Variants in POLN observed in about 807,000 individuals in gnomAD.
The protein encoded by POLN is DNA polymerase N.
In POLN, 108 loss-of-function variants were observed where a neutral mutation model predicts 113.5. That is an observed-to-expected ratio of 0.95 (90% CI 0.81 to 1.12). The LOEUF (loss-of-function observed/expected upper bound fraction) is 1.12, where lower values mean the gene tolerates loss of function less well. Among genes scored for constraint, POLN ranks in the 50% most tolerant of loss-of-function variants. POLN has a pLI of 0.00. For synonymous variants in POLN, 386 were observed against 391.5 expected (o/e 0.99, Z 0.17); for missense variants, 1,097 against 1,077.1 (o/e 1.02, Z -0.26).
At chr4:2,197,019 C>T (rs543802156) in intron 6 of POLN, among the ~76,000 whole-genome samples, 7 of 152,196 alleles carry the variant, frequency 4.6e-5, no homozygotes, top group Admixed American at 6.5e-5. Context: ...TTGAAGACAG[C>T]GGAGGGGCCA....
At chr4:2,151,203 A>G (rs1023165740) in intron 16 of POLN, among the ~76,000 whole-genome samples, 1 of 152,190 alleles carries the variant, frequency 6.6e-6, no homozygotes, top group African/African-American at 2.4e-5. Context: ...TGGCAAATTA[A>G]CACATGGAAG....
intron 4 of POLN, among the ~76,000 whole-genome samples, chr4:2,209,017 G>T (rs1384620935): frequency 6.6e-6 from 1 of 151,774 alleles, no homozygotes; most frequent in African/African-American, 2.4e-5. Context: ...CCTCCAACTG[G>T]CCCCTGTTCT....
intron 16 of POLN, among the ~76,000 whole-genome samples, chr4:2,149,296 AAAACAAACAAAC>A (rs149342459): frequency 5.5e-4 from 83 of 150,792 alleles, no homozygotes; most frequent in Non-Finnish European, 8.1e-4. Context: ...CCCTATCTCA[AAAACAAACAAAC>A]AAACAAACAA....
chr4:2,184,666 T>C (rs1733227605), intron 7 of POLN, among the ~76,000 whole-genome samples: 1 of 152,210 alleles, frequency 6.6e-6, no homozygotes, highest in East Asian at 1.9e-4. Context: ...AATGCCATTT[T>C]CACTAATGTA....
chr4:2,091,531 G>A (rs565929643), intron 20 of POLN, among the ~76,000 whole-genome samples: 1 of 152,106 alleles, frequency 6.6e-6, no homozygotes, highest in East Asian at 1.9e-4. Context: ...CAAGCAGGAT[G>A]GCTTTTGGCT....
In POLN at chr4:2,208,018, G is replaced by A. The variant is rs1161777395; in HGVS notation, c.683C>T (p.Thr228Ile). 1.2e-6 allele frequency: 2 copies of A among 1,613,682 alleles called. No homozygotes were observed. The highest frequency in any genetic ancestry group is 1.1e-5 in the South Asian group (1 of 90,924). ...AAALVITVMY[T>I]DGSTQLGADQ... is the part of the protein sequence containing the mutation. ...AGCTCCTAGCTGGGTGGAACCATCA[G>A]TATACATCACAGTTATCACCAGGGC... The change falls in exon 5 of 26, where the codon ACT (threonine) becomes ATT (isoleucine). Residue 228 changes from threonine to isoleucine, a missense_variant. Physicochemically the swap from Thr to Ile is moderately conservative, Grantham distance 89. Transcript: ENST00000511885.
chr4:2,136,480 T>C (rs1233756249), intron 16 of POLN, among the ~76,000 whole-genome samples: 1 of 152,250 alleles, frequency 6.6e-6, no homozygotes, highest in African/African-American at 2.4e-5. Flanking sequence ...CATCCCAGCA[T>C]CTGTTTTCAT....
intron 20 of POLN, chr4:2,088,750 A>G (rs1730603644): frequency 9.0e-6 from 11 of 1,221,398 alleles, no homozygotes; most frequent in Non-Finnish European, 1.2e-5. Context: ...TAGCTTTTAC[A>G]ATGTCATCAG....
intron 13 of POLN, among the ~76,000 whole-genome samples, chr4:2,166,614 A>G (rs1024300583): frequency 1.3e-5 from 2 of 152,172 alleles, no homozygotes; most frequent in African/African-American, 4.8e-5. Context: ...GGACTATCCA[A>G]TCAGCTAGGG....
intron 22 of POLN, 165 bp from the exon 23 acceptor site, chr4:2,081,201 C>CCTTGCTCCTCCCGCCCT (rs1262407908): frequency 6.4e-7 from 1 of 1,572,410 alleles, no homozygotes; most frequent in Non-Finnish European, 8.6e-7. Flanking sequence ...GACACTTCGT[C>CCTTGCTCCTCCCGCCCT]CTTGCTCCTC....
At position 2,127,783 on chromosome 4, in the gene POLN, G is replaced by A. The variant is rs747283433; in HGVS notation, c.1982+330C>T. 1.3e-5 allele frequency among the ~76,000 whole-genome samples: 2 copies of A among 152,254 alleles called. No homozygotes were observed. The highest frequency in any genetic ancestry group is 2.1e-4 in the South Asian group (1 of 4,832). Reference sequence around the variant, plus strand: ...CGCAGCAAGCACCTTGGCTCTCCTCGGAGGGCAGTGGCTCACAGCCAGCAC... The same window carrying A: ...CGCAGCAAGCACCTTGGCTCTCCTCAGAGGGCAGTGGCTCACAGCCAGCAC... On this transcript the variant is annotated intron_variant, in intron 19 of 25. Coordinates refer to ENST00000511885, the MANE Select transcript of POLN (RefSeq NM_181808.4). The surrounding 1 kb of genome is among the most constrained non-coding windows in gnomAD (Gnocchi z 4.7).
At chr4:2,180,002 A>G in intron 7 of POLN, among the ~76,000 whole-genome samples, 1 of 152,192 alleles carries the variant, frequency 6.6e-6, no homozygotes, top group Non-Finnish European at 1.5e-5. Context: ...TAGTGTGTGC[A>G]AGGCAAAGAT....
intron 19 of POLN, among the ~76,000 whole-genome samples, chr4:2,103,364 T>A (rs1730973149): frequency 6.6e-6 from 1 of 151,744 alleles, no homozygotes; most frequent in Non-Finnish European, 1.5e-5. Context: ...GAAGAAAAAA[T>A]TTCAGAACTT....
At chr4:2,079,060 G>T in intron 23 of POLN, 1 of 354,732 alleles carries the variant, frequency 2.8e-6, no homozygotes, top group Non-Finnish European at 3.9e-6. Context: ...CTCCTGAGTA[G>T]CTGGGACTAC....
At chr4:2,081,320 A>G (rs1247257068) in intron 22 of POLN, 2 of 829,446 alleles carry the variant, frequency 2.4e-6, no homozygotes, top group Non-Finnish European at 3.7e-6. Context: ...GCCAAGTGCC[A>G]AGGAACTGAG....
At chr4:2,218,227 T>A (rs1577780959) in intron 3 of POLN, among the ~76,000 whole-genome samples, 1 of 148,302 alleles carries the variant, frequency 6.7e-6, no homozygotes, top group African/African-American at 2.5e-5. Context: ...AGGTCGGGAG[T>A]TCGAGACCAC....
intron 3 of POLN, chr4:2,228,099 T>G (rs993704382): frequency 6.5e-6 from 1 of 153,358 alleles, no homozygotes; most frequent in Non-Finnish European, 1.5e-5. Context: ...GTGCTAATAT[T>G]CGGCAATACT....
At chr4:2,085,860 G>T in intron 20 of POLN, 116 bp from the exon 21 acceptor site, 1 of 1,423,416 alleles carries the variant, frequency 7.0e-7, no homozygotes, top group East Asian at 2.3e-5. Context: ...GGGTTGGGAT[G>T]GAGTTGGCGT....
rs1731612678 is a variant in POLN, at chr4:2,127,510, G to T, written c.1982+603C>A. 6.6e-6 allele frequency among the ~76,000 whole-genome samples: 1 copy of T among 152,174 alleles called. No individual in the cohort carries two copies. The highest frequency in any genetic ancestry group is 1.5e-5 in the Non-Finnish European group (1 of 68,030). On this transcript the variant is annotated intron_variant, in intron 19 of 25. Coordinates refer to ENST00000511885, the MANE Select transcript of POLN (RefSeq NM_181808.4). This position sits in a 1 kb window ranked among gnomAD's most constrained non-coding sequence, Gnocchi z 4.7. ...TCCTGGGCAGAGGAGAGGGGTGAGA[G>T]AGAGCCTTGCACCCGTCTCTCCATC...
Sources: gnomAD v4.1 joint callset for allele counts (sites outside exome capture counted in the v4.1 genomes callset) on GRCh38, gnomAD v4.1.1 for gene constraint, Gnocchi (gnomAD v3.1) non-coding constraint, MANE v1.5 for transcripts, NCBI Gene and HGNC (gene_info 2026-07-23, HGNC 2026-07-21) for gene names.